Variants in GRID2 observed in about 807,000 individuals in gnomAD.
The protein encoded by GRID2 is glutamate receptor ionotropic, delta-2.
A neutral mutation model predicts 114.8 loss-of-function variants in GRID2; 33 were observed. The observed-to-expected ratio is 0.29, with a 90% CI of 0.22 to 0.38. The LOEUF (loss-of-function observed/expected upper bound fraction) is 0.38, where lower values mean the gene tolerates loss of function less well. Ranked by LOEUF, GRID2 falls within the 10% of genes least tolerant of loss-of-function variation. GRID2 has a pLI of 1.00. For synonymous variants in GRID2, 505 were observed against 449.9 expected, an observed-to-expected ratio of 1.12 and a Z score of -1.55; for missense variants, 1,184 against 1,257.7, an observed-to-expected ratio of 0.94 and a Z score of 0.89.
intron 2 of GRID2, among the ~76,000 whole-genome samples, chr4:92,732,033 A>G (rs1188745098): frequency 6.6e-6 from 1 of 151,978 alleles, no homozygotes; most frequent in Non-Finnish European, 1.5e-5. Flanking sequence ...TTATTTAAAA[A>G]TGGGGAAGAT....
chr4:92,563,196 T>C (rs1727179828), intron 1 of GRID2, among the ~76,000 whole-genome samples: 1 of 152,122 alleles, frequency 6.6e-6, no homozygotes. Context: ...TTTATGGTTG[T>C]TAGGATTATG....
In GRID2 at chr4:93,755,304, A is replaced by G. The variant is rs117655207; in HGVS notation, c.2361-13906A>G. On this transcript the variant is annotated intron_variant, in intron 14 of 15. Transcript: ENST00000282020. ...GTAATAGATAAGTCTCATTAAGAAG[A>G]TGGAATAGACTAATTCCCAGCATAT... Among the ~76,000 whole-genome samples the G allele has an allele frequency of 4.0e-3, 611 of 152,332 alleles. 16 individuals carry two copies. The East Asian group carries it at 0.067, about 17-fold the overall frequency.
intron 14 of GRID2, among the ~76,000 whole-genome samples, chr4:93,698,772 A>G (rs1248287487): frequency 1.3e-5 from 2 of 152,118 alleles, no homozygotes; most frequent in African/African-American, 4.8e-5. Context: ...TTTAAGGATC[A>G]CACTTAATAA....
chr4:92,803,233 TCA>T (rs1740258205), intron 2 of GRID2, among the ~76,000 whole-genome samples: 1 of 151,980 alleles, frequency 6.6e-6, no homozygotes, highest in Non-Finnish European at 1.5e-5. Flanking sequence ...ATTTCCATTT[TCA>T]CAGTGAGACT....
At chr4:93,521,520 A>G (rs1163074223) in intron 13 of GRID2, among the ~76,000 whole-genome samples, 1 of 152,126 alleles carries the variant, frequency 6.6e-6, no homozygotes, top group Non-Finnish European at 1.5e-5. Flanking sequence ...AATGATGCTC[A>G]TGATAAAGGG....
chr4:93,587,452 T>C (rs1737656312), intron 13 of GRID2, among the ~76,000 whole-genome samples: 1 of 152,126 alleles, frequency 6.6e-6, no homozygotes, highest in African/African-American at 2.4e-5. Flanking sequence ...GATAGCAAAG[T>C]GACATGTACT....
chr4:92,393,361 G>A lies in GRID2; in HGVS notation c.88+88617G>A, dbSNP rs77601805. Among the ~76,000 whole-genome samples, 103 of 152,224 alleles carry A rather than the reference G, an allele frequency of 6.8e-4. No homozygotes were observed. The East Asian group carries it at 0.019, about 28-fold the overall frequency. Reference sequence around the variant, plus strand: ...TATAGATACTCTATAGAATGATGCAGTGTAATCTTACATAATATCTCTCTT... The same window carrying A: ...TATAGATACTCTATAGAATGATGCAATGTAATCTTACATAATATCTCTCTT... On this transcript the variant is annotated intron_variant, in intron 1 of 15. Transcript: ENST00000282020.
chr4:93,275,616 A>T (rs1443319832), intron 8 of GRID2, among the ~76,000 whole-genome samples: 2 of 151,716 alleles, frequency 1.3e-5, no homozygotes, highest in African/African-American at 4.8e-5. Context: ...GTTATTTGTT[A>T]TCATTCTTAT....
At chr4:93,035,644 G>C (rs1453029971) in intron 2 of GRID2, among the ~76,000 whole-genome samples, 1 of 152,056 alleles carries the variant, frequency 6.6e-6, no homozygotes. Flanking sequence ...GACAAGGGGA[G>C]GATTCACTTC....
intron 2 of GRID2, among the ~76,000 whole-genome samples, chr4:92,734,535 C>T (rs1736493774): frequency 6.6e-6 from 1 of 152,034 alleles, no homozygotes; most frequent in Non-Finnish European, 1.5e-5. Context: ...CCTCCAGCCA[C>T]AGGCTTCCAA....
intron 14 of GRID2, among the ~76,000 whole-genome samples, chr4:93,722,285 A>G (rs536210538): frequency 1.3e-5 from 2 of 152,246 alleles, no homozygotes; most frequent in Admixed American, 1.3e-4. Context: ...TATCACATTT[A>G]ACCCCACCCC....
At chr4:93,521,424 A>G (rs1730324655) in intron 13 of GRID2, among the ~76,000 whole-genome samples, 1 of 152,192 alleles carries the variant, frequency 6.6e-6, no homozygotes, top group Non-Finnish European at 1.5e-5. Context: ...GTGAGGTAAG[A>G]TGGAAAACAA....
chr4:93,073,225 A>G (rs150079531), intron 2 of GRID2, among the ~76,000 whole-genome samples: 1 of 152,322 alleles, frequency 6.6e-6, no homozygotes, highest in African/African-American at 2.4e-5. Flanking sequence ...ACATTACAAG[A>G]AATGTTTAAT....
At chr4:92,913,318 T>G (rs2149493041) in intron 2 of GRID2, among the ~76,000 whole-genome samples, 1 of 152,026 alleles carries the variant, frequency 6.6e-6, no homozygotes, top group Admixed American at 6.6e-5. Flanking sequence ...AGGGGAATAG[T>G]GAAATACGAC....
intron 4 of GRID2, among the ~76,000 whole-genome samples, chr4:93,188,905 A>G (rs1740698617): frequency 6.6e-6 from 1 of 152,140 alleles, no homozygotes; most frequent in Non-Finnish European, 1.5e-5. Flanking sequence ...TCTCATTTCT[A>G]TCTGAGACCT....
chr4:93,177,382 A>C (rs1260297560), intron 4 of GRID2, among the ~76,000 whole-genome samples: 1 of 152,124 alleles, frequency 6.6e-6, no homozygotes, highest in Non-Finnish European at 1.5e-5. Flanking sequence ...GAATCCTTTG[A>C]TCCTCAAAAA....
At chr4:93,401,670 C>T (rs1765903973) in intron 9 of GRID2, among the ~76,000 whole-genome samples, 1 of 152,064 alleles carries the variant, frequency 6.6e-6, no homozygotes, top group African/African-American at 2.4e-5. Flanking sequence ...AAATTACTGT[C>T]TAAATTAAAA....
chr4:93,584,745 A>T (rs1737361562), intron 13 of GRID2, among the ~76,000 whole-genome samples: 1 of 152,092 alleles, frequency 6.6e-6, no homozygotes, highest in Non-Finnish European at 1.5e-5. Context: ...GAATTTAACT[A>T]TGTTTATGCT....
chr4:93,281,146 G>A (rs575015531), intron 8 of GRID2, among the ~76,000 whole-genome samples: 1 of 151,928 alleles, frequency 6.6e-6, no homozygotes, highest in African/African-American at 2.4e-5. Context: ...AGGGGCATGG[G>A]GGCACGAGGG....
Sources: allele counts gnomAD v4.1 joint callset (sites outside exome capture counted in the v4.1 genomes callset), GRCh38; gene constraint gnomAD v4.1.1; transcripts MANE v1.5; gene names NCBI Gene and HGNC (gene_info 2026-07-23, HGNC 2026-07-21).